Variants in GALNT13 observed in about 807,000 individuals in gnomAD.
GALNT13 encodes the protein UDP-GalNAc:polypeptide N-acetylgalactosaminyltransferase 13.
In GALNT13, 28 loss-of-function variants were observed where a neutral mutation model predicts 64.2. The observed-to-expected ratio is 0.44, with a 90% CI of 0.32 to 0.60. GALNT13 has a LOEUF of 0.60. Among genes scored for constraint, GALNT13 ranks in the 20% least tolerant of loss-of-function variants. The pLI is 0.05. For missense variants in GALNT13, 577 were observed against 669.8 expected (o/e 0.86, Z 1.53); for synonymous variants, 214 against 224.6 (o/e 0.95, Z 0.42).
chr2:153,728,912 C>T, the GALNT13 span, among the ~76,000 whole-genome samples: 19 of 152,314 alleles, frequency 1.2e-4, 1 homozygote, highest in South Asian at 3.9e-3. Context: ...TTCCTGGACA[C>T]ATTCACCCTC....
intron 12 of GALNT13, among the ~76,000 whole-genome samples, chr2:154,447,971 C>A (rs1300502596): frequency 2.0e-5 from 3 of 151,950 alleles, no homozygotes; most frequent in Non-Finnish European, 2.9e-5. Context: ...TGCTTCTCTC[C>A]ATAGGAGAAA....
At chr2:154,054,821 T>C (rs1699817428) in intron 3 of GALNT13, among the ~76,000 whole-genome samples, 2 of 152,026 alleles carry the variant, frequency 1.3e-5, no homozygotes, top group Admixed American at 1.3e-4. Flanking sequence ...CACAGGAAGC[T>C]TTATGAAATA....
the GALNT13 span, among the ~76,000 whole-genome samples, chr2:153,463,016 C>T: frequency 3.9e-5 from 6 of 151,956 alleles, no homozygotes; most frequent in African/African-American, 1.4e-4. Context: ...TTACTCTTAT[C>T]CCGAGGAAAG....
chr2:153,129,115 C>A, the GALNT13 span, among the ~76,000 whole-genome samples: 1 of 152,140 alleles, frequency 6.6e-6, no homozygotes, highest in African/African-American at 2.4e-5. Context: ...TCCTTCTGGA[C>A]ACTGTTTAGC....
At chr2:154,236,274 A>G in intron 4 of GALNT13, 1 of 568,650 alleles carries the variant, frequency 1.8e-6, no homozygotes, top group Non-Finnish European at 2.3e-6. Flanking sequence ...TAAAGGTTTT[A>G]CATGTTTCAA....
the GALNT13 span, among the ~76,000 whole-genome samples, chr2:153,595,442 T>A: frequency 6.6e-6 from 1 of 151,926 alleles, no homozygotes; most frequent in Non-Finnish European, 1.5e-5. Context: ...CAAAATTTTA[T>A]GTTATATAAA....
the GALNT13 span, among the ~76,000 whole-genome samples, chr2:153,812,082 C>T: frequency 6.6e-6 from 1 of 152,218 alleles, no homozygotes; most frequent in Non-Finnish European, 1.5e-5. Flanking sequence ...CTTGTCCACA[C>T]AACCTCCTCC....
intron 4 of GALNT13, among the ~76,000 whole-genome samples, chr2:154,218,147 G>C (rs1041775137): frequency 2.0e-5 from 3 of 152,126 alleles, no homozygotes; most frequent in Non-Finnish European, 4.4e-5. Context: ...ATGTAGTTAA[G>C]TGAACCCAGA....
rs530135258 is a variant in GALNT13 at position 154,247,982 on chromosome 2, T to A, written c.857+2000T>A. 1.1e-4 allele frequency among the ~76,000 whole-genome samples: 16 copies of A among 152,264 alleles called. No homozygotes were observed. In the South Asian group the frequency reaches 3.3e-3, roughly 32 times the overall value. On this transcript the variant is annotated intron_variant, in intron 7 of 12. Coordinates refer to ENST00000392825, the MANE Select transcript of GALNT13 (RefSeq NM_052917.4). Reference sequence around the variant, plus strand: ...TGTAATCTATTGCTTGAAGATGTGATCATTTTTCTCACATTCATACAAATA... The same window carrying A: ...TGTAATCTATTGCTTGAAGATGTGAACATTTTTCTCACATTCATACAAATA...
At chr2:153,123,303 T>A in the GALNT13 span, among the ~76,000 whole-genome samples, 2 of 152,140 alleles carry the variant, frequency 1.3e-5, no homozygotes, top group Non-Finnish European at 1.5e-5. Context: ...TTTAAACTCC[T>A]AGCCTCCAAA....
chr2:153,620,012 A>G, the GALNT13 span, among the ~76,000 whole-genome samples: 698 of 152,172 alleles, frequency 4.6e-3, 5 homozygotes, highest in African/African-American at 0.016. Context: ...GAAGTTCTCT[A>G]TTATTATCCC....
intron 3 of GALNT13, among the ~76,000 whole-genome samples, chr2:153,955,272 G>T (rs529730551): frequency 8.5e-5 from 13 of 152,276 alleles, no homozygotes; most frequent in African/African-American, 2.2e-4. Context: ...CTGGAGATTT[G>T]ATGTGCTCAT....
chr2:153,752,724 C>G, the GALNT13 span, among the ~76,000 whole-genome samples: 1 of 152,064 alleles, frequency 6.6e-6, no homozygotes. Flanking sequence ...TTCAGTTAGT[C>G]TTCCTTGGGT....
the GALNT13 span, among the ~76,000 whole-genome samples, chr2:153,233,812 C>G: frequency 6.6e-6 from 1 of 152,146 alleles, no homozygotes; most frequent in Non-Finnish European, 1.5e-5. Context: ...TTAGGAGAAC[C>G]TGCCCAGAAG....
the GALNT13 span, among the ~76,000 whole-genome samples, chr2:153,695,668 T>G: frequency 6.6e-6 from 1 of 152,196 alleles, no homozygotes; most frequent in African/African-American, 2.4e-5. Flanking sequence ...CCCTAACATT[T>G]TAATAAAGTT....
chr2:154,231,446 T>C (rs1192872379), intron 4 of GALNT13, among the ~76,000 whole-genome samples: 1 of 152,048 alleles, frequency 6.6e-6, no homozygotes. Flanking sequence ...GGATTTTGTT[T>C]TGTTTTGTTT....
At chr2:153,379,374 C>A in the GALNT13 span, among the ~76,000 whole-genome samples, 1 of 152,062 alleles carries the variant, frequency 6.6e-6, no homozygotes, top group African/African-American at 2.4e-5. Context: ...ATCTAAGTGA[C>A]CCTACATTTT....
At chr2:153,324,841 T>A in the GALNT13 span, among the ~76,000 whole-genome samples, 490 of 152,252 alleles carry the variant, frequency 3.2e-3, 1 homozygote, top group Non-Finnish European at 4.3e-3. Flanking sequence ...CCAACTTGAT[T>A]GTGGTGGATA....
Position 154,043,414 on chromosome 2 carries a change from TTATATA to T in GALNT13, c.143-96886_143-96881del, listed in dbSNP as rs1179722579. ...TCTGTCAACACTACTATAAGGACTT[TTATATA>T]TATATATATATATATATATATATAT... On this transcript the variant is annotated intron_variant, in intron 3 of 12. Coordinates refer to ENST00000392825, the MANE Select transcript of GALNT13 (RefSeq NM_052917.4). 7.6e-3 allele frequency among the ~76,000 whole-genome samples: 594 copies of T among 78,220 alleles called. 4 individuals carry two copies. The highest frequency in any genetic ancestry group is 0.014 in the African/African-American group (261 of 18,368). 51.3% of individuals were successfully genotyped at this position (78,220 alleles called of 152,430 possible).
Sources: allele counts gnomAD v4.1 joint callset (sites outside exome capture counted in the v4.1 genomes callset), GRCh38; gene constraint gnomAD v4.1.1; transcripts MANE v1.5; gene names NCBI Gene and HGNC (gene_info 2026-07-23, HGNC 2026-07-21).